CMSS1: variants seen among roughly 807,000 people sequenced by gnomAD.
CMSS1 encodes the protein protein CMSS1.
Under a neutral mutation model 43.5 loss-of-function variants are expected in CMSS1, and 33 were observed. The observed-to-expected ratio is 0.76, with a 90% CI of 0.57 to 1.01. CMSS1 has a LOEUF of 1.01. Ranked by LOEUF, CMSS1 falls within the 50% of genes least tolerant of loss-of-function variation. The pLI is 0.00. For synonymous variants in CMSS1, 115 were observed against 117.2 expected (o/e 0.98, Z 0.12); for missense variants, 313 against 326.4 (o/e 0.96, Z 0.32).
chr3:99,879,657 A>G (rs1445846719), intron 1 of CMSS1, among the ~76,000 whole-genome samples: 1 of 152,182 alleles, frequency 6.6e-6, no homozygotes, highest in African/African-American at 2.4e-5. Flanking sequence ...TCCTTTGGTC[A>G]TTTAAGCAGT....
chr3:100,133,601 T>G (rs1269625879), intron 1 of CMSS1, among the ~76,000 whole-genome samples: 1 of 152,224 alleles, frequency 6.6e-6, no homozygotes, highest in Non-Finnish European at 1.5e-5. Flanking sequence ...AAACCAAATC[T>G]TATTTTACTC....
intron 1 of CMSS1, among the ~76,000 whole-genome samples, chr3:99,854,638 C>A (rs1220387050): frequency 3.6e-4 from 54 of 151,486 alleles, no homozygotes; most frequent in Admixed American, 3.6e-3. Context: ...AGCAGCATCC[C>A]TTTGTTGTGA....
chr3:100,016,444 G>T (rs1360528192), intron 1 of CMSS1, among the ~76,000 whole-genome samples: 1 of 152,142 alleles, frequency 6.6e-6, no homozygotes, highest in Non-Finnish European at 1.5e-5. Flanking sequence ...ACCCACCTCG[G>T]AAAGTGCTGG....
chr3:100,177,831 A>T (rs956132119), intron 9 of CMSS1, among the ~76,000 whole-genome samples: 1 of 152,130 alleles, frequency 6.6e-6, no homozygotes, highest in Non-Finnish European at 1.5e-5. Flanking sequence ...AACAATAATA[A>T]TAATAGGCCA....
At chr3:100,113,238 A>G (rs2066520262) in intron 1 of CMSS1, among the ~76,000 whole-genome samples, 1 of 152,256 alleles carries the variant, frequency 6.6e-6, no homozygotes, top group Non-Finnish European at 1.5e-5. Flanking sequence ...GAGCGCCTAT[A>G]TACAAAACTG....
chr3:99,916,428 A>G (rs1706951824), intron 1 of CMSS1, among the ~76,000 whole-genome samples: 1 of 144,684 alleles, frequency 6.9e-6, no homozygotes, highest in Admixed American at 7.0e-5. Context: ...ACTTTATAAT[A>G]ACGGTTTATA....
chr3:100,142,965 C>T (rs1183768766), intron 1 of CMSS1, among the ~76,000 whole-genome samples: 4 of 152,156 alleles, frequency 2.6e-5, no homozygotes, highest in African/African-American at 9.7e-5. Context: ...CACCAGTACA[C>T]ATTGTAAGAC....
In CMSS1 at chr3:99,896,772, G is replaced by C. The variant is rs9868303; in HGVS notation, c.64+78729G>C. Among the ~76,000 whole-genome samples the C allele has an allele frequency of 5.0e-3, 765 of 152,254 alleles. 6 individuals are homozygous for C. Among genetic ancestry groups the C allele is most frequent in the African/African-American group, 0.017 (720 of 41,528 alleles). On this transcript the variant is annotated intron_variant, in intron 1 of 9. Transcript: ENST00000421999. ...GATTCTATAAGGTTCCAGAGGACTA[G>C]GGTTTAACGGTTTTTGTTCCACAAT...
chr3:100,056,947 T>C lies in CMSS1; in HGVS notation c.65-90026T>C, dbSNP rs548142854. ...TGAACCTGGGAGGCGGAGCTTGCAGTGAGCCGAGATCGCACCACTGCACTC... is the reference window on the plus strand; with the variant it reads ...TGAACCTGGGAGGCGGAGCTTGCAGCGAGCCGAGATCGCACCACTGCACTC... On this transcript the variant is annotated intron_variant, in intron 1 of 9. Transcript: ENST00000421999. Among the ~76,000 whole-genome samples the C allele has an allele frequency of 9.9e-5, 15 of 151,916 alleles. No individual in the cohort carries two copies. In the South Asian group the frequency reaches 2.9e-3, roughly 30 times the overall value.
chr3:99,983,471 T>TATATATATATAC, intron 1 of CMSS1, among the ~76,000 whole-genome samples: 1 of 15,336 alleles, frequency 6.5e-5, no homozygotes, highest in Non-Finnish European at 1.2e-4. Flanking sequence ...TGTGTATATA[T>TATATATATATAC]ATATATATAT....
chr3:100,045,147 G>A (rs562912844), intron 1 of CMSS1, among the ~76,000 whole-genome samples: 72 of 152,342 alleles, frequency 4.7e-4, no homozygotes, highest in African/African-American at 1.7e-3. Context: ...TTGGATAACA[G>A]TTTATAGATT....
intron 1 of CMSS1, chr3:99,848,905 G>T: frequency 6.2e-7 from 1 of 1,614,176 alleles, no homozygotes; most frequent in Non-Finnish European, 8.5e-7. Context: ...AGGACTCTCT[G>T]TGGTTGGACT....
At chr3:100,045,231 T>A (rs563838413) in intron 1 of CMSS1, among the ~76,000 whole-genome samples, 22 of 152,248 alleles carry the variant, frequency 1.4e-4, no homozygotes, top group Non-Finnish European at 2.6e-4. Flanking sequence ...ATGATCTAGC[T>A]GTGCAAAGAG....
intron 1 of CMSS1, among the ~76,000 whole-genome samples, chr3:99,846,225 C>G (rs1943360122): frequency 6.6e-6 from 1 of 152,184 alleles, no homozygotes. Context: ...CTGGTTATCT[C>G]TGCCTCTTTA....
chr3:99,880,554 T>G (rs1045133635), intron 1 of CMSS1, among the ~76,000 whole-genome samples: 1 of 152,194 alleles, frequency 6.6e-6, no homozygotes, highest in Non-Finnish European at 1.5e-5. Flanking sequence ...CATATGTACC[T>G]TGAGAAGTGA....
At chr3:99,920,141 A>G (rs934151064) in intron 1 of CMSS1, among the ~76,000 whole-genome samples, 22 of 152,198 alleles carry the variant, frequency 1.4e-4, no homozygotes, top group Non-Finnish European at 2.4e-4. Context: ...CCATAACAAT[A>G]TTTCTTTCCT....
intron 1 of CMSS1, chr3:99,850,766 G>A (rs1943648345): frequency 6.2e-7 from 1 of 1,614,020 alleles, no homozygotes; most frequent in South Asian, 1.1e-5. Context: ...TCTTGGTCTT[G>A]GTGAAACTTT....
intron 1 of CMSS1, among the ~76,000 whole-genome samples, chr3:100,122,269 AC>A (rs1439212640): frequency 6.6e-6 from 1 of 151,898 alleles, no homozygotes; most frequent in African/African-American, 2.4e-5. Flanking sequence ...ACAATTCTAG[AC>A]CCCCCTTTCT....
rs2067180722 is a variant in CMSS1 at position 100,180,867 on chromosome 3, T to A, written c.*2479T>A. ...TTTTACACTGCTATGAAGAACTACC[T>A]GAGACTGGGTAGTTTATAATGAAAA... On this transcript the variant is annotated 3_prime_UTR_variant, in exon 10 of 10. Coordinates refer to ENST00000421999, the MANE Select transcript of CMSS1 (RefSeq NM_032359.4). 1 of 152,214 alleles carries A rather than the reference T, an allele frequency of 6.6e-6. No individual in the cohort carries two copies. The highest frequency in any genetic ancestry group is 2.4e-5 in the African/African-American group (1 of 41,444). 9.4% of individuals were successfully genotyped at this position (152,214 alleles called of 1,614,324 possible). A position where few individuals can be genotyped will look rare whatever the true frequency, so the allele number is the denominator to read the frequency against.
Sources: allele counts gnomAD v4.1 joint callset (sites outside exome capture counted in the v4.1 genomes callset), GRCh38; gene constraint gnomAD v4.1.1; transcripts MANE v1.5; gene names NCBI Gene and HGNC (gene_info 2026-07-23, HGNC 2026-07-21).